Variants in KCNJ14 observed in about 807,000 individuals in gnomAD.
The protein encoded by KCNJ14 is ATP-sensitive inward rectifier potassium channel 14.
Under a neutral mutation model 24.5 loss-of-function variants are expected in KCNJ14, and 18 were observed. The ratio of observed to expected loss-of-function variants is 0.74; its 90% CI spans 0.51 to 1.09. KCNJ14 has a LOEUF of 1.09. Ranked by LOEUF, KCNJ14 falls within the 50% of genes least tolerant of loss-of-function variation. The pLI is 0.00. For synonymous variants in KCNJ14, 288 were observed against 270.8 expected (o/e 1.06, Z -0.63); for missense variants, 633 against 623.0 (o/e 1.02, Z -0.17).
chr19:48,457,721 A>C (rs1025315714), intron 1 of KCNJ14, among the ~76,000 whole-genome samples: 1 of 151,898 alleles, frequency 6.6e-6, no homozygotes, highest in African/African-American at 2.4e-5. Context: ...TTTGTCGCCC[A>C]AGCTCGAGTG....
intron 1 of KCNJ14, 160 bp from the exon 2 acceptor site, chr19:48,461,510 A>T: frequency 2.7e-6 from 1 of 369,174 alleles, no homozygotes; most frequent in Non-Finnish European, 4.7e-6. Flanking sequence ...CTTGGGCGAC[A>T]GAGCGAGACT....
In KCNJ14 at chr19:48,461,864, G is replaced by A. The variant is rs751117592; in HGVS notation, c.140G>A (p.Arg47Gln). Residue 47 changes from arginine to glutamine, a missense_variant, in exon 2 of 3, where the codon CGG (arginine) becomes CAG (glutamine). Transcript: ENST00000342291. ...APAPVQSPVG[R>Q]RRGRFVKKDG... ...GCACCGGTGCAGTCACCCGTGGGCC[G>A]GCGCCGCGGTCGCTTCGTCAAGAAA... is the stretch of plus-strand genomic sequence containing the variant. 3 of 1,568,490 alleles carry A rather than the reference G, an allele frequency of 1.9e-6. No individual in the cohort carries two copies. Among genetic ancestry groups the A allele is most frequent in the Non-Finnish European group, 2.6e-6 (3 of 1,156,836 alleles).
At chr19:48,463,221 G>C (rs764805788) in intron 2 of KCNJ14, among the ~76,000 whole-genome samples, 4 of 152,232 alleles carry the variant, frequency 2.6e-5, no homozygotes, top group Admixed American at 1.3e-4. Flanking sequence ...GGCAGCTGCC[G>C]TGGCCCAAGT....
chr19:48,463,450 G>A (rs959695603), intron 2 of KCNJ14, among the ~76,000 whole-genome samples: 3 of 152,202 alleles, frequency 2.0e-5, no homozygotes, highest in African/African-American at 7.2e-5. Flanking sequence ...GCAGAAGTCG[G>A]TGGGGCAGTG....
At chr19:48,461,552 G>C (rs1268920205) in intron 1 of KCNJ14, 118 bp from the exon 2 acceptor site, 4 of 333,962 alleles carry the variant, frequency 1.2e-5, no homozygotes, top group Non-Finnish European at 2.0e-5. Context: ...AAAAAAAAAT[G>C]CGTATCGTTC....
rs536206747 is a variant in KCNJ14 at position 48,455,821 on chromosome 19, G to T, written c.-93G>T. The T allele has an allele frequency of 6.6e-6, 1 of 152,476 alleles. No homozygotes were observed. The highest frequency in any genetic ancestry group is 1.9e-4 in the East Asian group (1 of 5,180). The allele number at this position is 152,476 out of a possible 1,614,324, so 9.4% of individuals were successfully genotyped here. On this transcript the variant is annotated 5_prime_UTR_variant, in exon 1 of 3. Transcript: ENST00000342291. ...GCCTGTTCCCCAACTGTGAAAGGGG[G>T]TGATGATCTTCACCTCCCGGCATCC...
In KCNJ14 at chr19:48,462,136, T is replaced by C. The variant is rs1385985421; in HGVS notation, c.412T>C (p.Phe138Leu). 1.9e-6 allele frequency: 3 copies of C among 1,594,536 alleles called. No individual in the cohort carries two copies. The highest frequency in any genetic ancestry group is 2.3e-5 in the South Asian group (2 of 88,646). The change falls in exon 2 of 3, where the codon TTC becomes CTC. Residue 138 changes from phenylalanine to leucine, a missense_variant. Physicochemically the swap from Phe to Leu is conservative, Grantham distance 22. Transcript: ENST00000342291. The surrounding 1 kb of genome is among the most constrained non-coding windows in gnomAD (Gnocchi z 4.9). ...ACACGTGGCCAGCTTCCTGGCCGCC[T>C]TCCTCTTCGCGCTGGAGACGCAGAC... is the stretch of plus-strand genomic sequence containing the variant. Reference protein sequence around the residue: ...FSHVASFLAAFLFALETQTSI... With the variant: ...FSHVASFLAALLFALETQTSI...
rs189298575 is a variant in KCNJ14, at chr19:48,466,762, A to C, written c.*1985A>C. On this transcript the variant is annotated 3_prime_UTR_variant, in exon 3 of 3. Transcript: ENST00000342291. Reference sequence around the variant, plus strand: ...ATACGGCCTTCCAGGAGACGCTGGGATGTAAGATACTCTTGGAGGCTGGCT... The same window carrying C: ...ATACGGCCTTCCAGGAGACGCTGGGCTGTAAGATACTCTTGGAGGCTGGCT... The C allele has an allele frequency of 6.6e-6, 1 of 152,266 alleles. No individual in the cohort carries two copies. The highest frequency in any genetic ancestry group is 1.9e-4 in the East Asian group (1 of 5,182). 9.4% of individuals were successfully genotyped at this position (152,266 alleles called of 1,614,324 possible).
At chr19:48,457,678 CAATT>C (rs775868691) in intron 1 of KCNJ14, among the ~76,000 whole-genome samples, 3 of 151,866 alleles carry the variant, frequency 2.0e-5, no homozygotes, top group South Asian at 2.1e-4. Flanking sequence ...GCAGCCATCA[CAATT>C]AATTTTTTTT....
rs1178935482 is a variant in KCNJ14, at chr19:48,462,230, A to G, written c.506A>G (p.Gln169Arg). Residue 169 changes from glutamine (Q) to arginine (R), a missense_variant, in exon 2 of 3, where the codon CAG (glutamine) becomes CGG (arginine). Gln to Arg is a conservative substitution (Grantham distance 43). Transcript: ENST00000342291. The surrounding 1 kb of genome is among the most constrained non-coding windows in gnomAD (Gnocchi z 4.9). Reference sequence around the variant, plus strand: ...GCCGCTGTGGCCGCCGTGGTGCTGCAGTGCATTGCCGGCTGCGTGCTCGAC... The same window carrying G: ...GCCGCTGTGGCCGCCGTGGTGCTGCGGTGCATTGCCGGCTGCGTGCTCGAC... ...CPAAVAAVVL[Q>R]CIAGCVLDAF... 6.4e-7 allele frequency: 1 copy of G among 1,550,688 alleles called. No individual in the cohort carries two copies.
chr19:48,461,394 G>T, intron 1 of KCNJ14: 1 of 242,392 alleles, frequency 4.1e-6, no homozygotes, highest in Non-Finnish European at 7.8e-6. Context: ...GAGTGGTGGT[G>T]TGCACCTGTA....
intron 1 of KCNJ14, among the ~76,000 whole-genome samples, chr19:48,459,693 C>T (rs551149897): frequency 6.6e-6 from 1 of 152,120 alleles, no homozygotes; most frequent in Non-Finnish European, 1.5e-5. Flanking sequence ...CCTCGCCTGG[C>T]CTCTCTTCAC....
rs748540327 is a variant in KCNJ14, at chr19:48,465,847, A to G, written c.*1070A>G. 3 of 152,646 alleles carry G rather than the reference A, an allele frequency of 2.0e-5. No individual in the cohort carries two copies. Among genetic ancestry groups the G allele is most frequent in the Non-Finnish European group, 4.4e-5 (3 of 68,044 alleles). 9.5% of individuals were successfully genotyped at this position (152,646 alleles called of 1,614,324 possible). A position where few individuals can be genotyped will look rare whatever the true frequency, so the allele number is the denominator to read the frequency against. On this transcript the variant is annotated 3_prime_UTR_variant, in exon 3 of 3. Transcript: ENST00000342291. Reference sequence around the variant, plus strand: ...CAGGGATACAGAGTTGTCCATTACCAAAGCCTGGAAGTTCTCATCACCTCC... The same window carrying G: ...CAGGGATACAGAGTTGTCCATTACCGAAGCCTGGAAGTTCTCATCACCTCC...
Position 48,464,915 on chromosome 19 carries a change from G to GTTC in KCNJ14, c.*140_*142dup. The GTTC allele has an allele frequency of 1.5e-6, 1 of 681,962 alleles. No individual in the cohort carries two copies. Among genetic ancestry groups the GTTC allele is most frequent in the Non-Finnish European group, 2.5e-6 (1 of 395,272 alleles). 42.2% of individuals were successfully genotyped at this position (681,962 alleles called of 1,614,324 possible). A position where few individuals can be genotyped will look rare whatever the true frequency, so the allele number is the denominator to read the frequency against. On this transcript the variant is annotated 3_prime_UTR_variant, in exon 3 of 3. Coordinates refer to ENST00000342291, the MANE Select transcript of KCNJ14 (RefSeq NM_013348.4). ...GCTGGGTAAATGACTAGGTGGTAAGGTTCTGCCATGCCTGGTGACCCACCA... is the reference window on the plus strand; with the variant it reads ...GCTGGGTAAATGACTAGGTGGTAAGGTTCTTCTGCCATGCCTGGTGACCCACCA...
At position 48,462,033 on chromosome 19, in the gene KCNJ14, C is replaced by T. The variant is rs771397699; in HGVS notation, c.309C>T (p.Leu103=). 1.6e-5 allele frequency: 26 copies of T among 1,611,964 alleles called. No homozygotes were observed. The South Asian group carries it at 2.5e-4, about 16-fold the overall frequency. ...FSCSFLASWL[L]FGLAFWLIAS... Reference sequence around the variant, plus strand: ...GCTCCTTCCTCGCCTCCTGGCTGCTCTTCGGCCTGGCCTTCTGGCTCATTG... The same window carrying T: ...GCTCCTTCCTCGCCTCCTGGCTGCTTTTCGGCCTGGCCTTCTGGCTCATTG... The change falls in exon 2 of 3, where the codon CTC becomes CTT. Residue 103 remains leucine, a synonymous_variant. Coordinates refer to ENST00000342291, the MANE Select transcript of KCNJ14 (RefSeq NM_013348.4). The surrounding 1 kb of genome is among the most constrained non-coding windows in gnomAD (Gnocchi z 4.9).
Position 48,461,550 on chromosome 19 carries a change from A to AAAAAAAAAAAAAG in KCNJ14, c.-55-120_-55-119insAAAAAAAAAAAAG, listed in dbSNP as rs370425889. 1,532 of 350,924 alleles carry AAAAAAAAAAAAAG rather than the reference A, an allele frequency of 4.4e-3. 69 individuals carry two copies. Among genetic ancestry groups the AAAAAAAAAAAAAG allele is most frequent in the African/African-American group, 8.4e-3 (276 of 32,670 alleles). 21.7% of individuals were successfully genotyped at this position (350,924 alleles called of 1,614,324 possible). A position where few individuals can be genotyped will look rare whatever the true frequency, so the allele number is the denominator to read the frequency against. On this transcript the variant is annotated intron_variant, in intron 1 of 2. Transcript: ENST00000342291. ...CTCCAAAAAAAAAAAAAAAAAAAAAATGCGTATCGTTCCACCTATTTGACA... is the reference window on the plus strand; with the variant it reads ...CTCCAAAAAAAAAAAAAAAAAAAAAAAAAAAAAAAAAAGTGCGTATCGTTCCACCTATTTGACA...
At chr19:48,459,103 G>T (rs368838177) in intron 1 of KCNJ14, among the ~76,000 whole-genome samples, 1 of 151,230 alleles carries the variant, frequency 6.6e-6, no homozygotes, top group Admixed American at 6.6e-5. Flanking sequence ...TTAGCCGGGC[G>T]TAGTGGCAGG....
rs777938365 is a variant in KCNJ14 at position 48,462,178 on chromosome 19, G to A, written c.454G>A (p.Val152Met). 3.8e-6 allele frequency: 6 copies of A among 1,565,350 alleles called. No individual in the cohort carries two copies. In the African/African-American group the frequency reaches 4.1e-5, roughly 11 times the overall value. ...GACGCAGACGTCCATCGGCTACGGC[G>A]TGCGCAGCGTCACCGAGGAGTGCCC... Reference protein sequence around the residue: ...LETQTSIGYGVRSVTEECPAA... With the variant: ...LETQTSIGYGMRSVTEECPAA... The change falls in exon 2 of 3, where the codon GTG becomes ATG. Residue 152 changes from valine (V) to methionine (M), a missense_variant. By Grantham distance (21) the Val-to-Met change is conservative. Coordinates refer to ENST00000342291, the MANE Select transcript of KCNJ14 (RefSeq NM_013348.4). This position sits in a 1 kb window ranked among gnomAD's most constrained non-coding sequence, Gnocchi z 4.9.
rs1458506742 is a variant in KCNJ14 at position 48,464,810 on chromosome 19, C to T, written c.*33C>T. The T allele has an allele frequency of 1.3e-6, 2 of 1,494,990 alleles. No individual in the cohort carries two copies. The highest frequency in any genetic ancestry group is 9.2e-7 in the Non-Finnish European group (1 of 1,089,876). The allele number at this position is 1,494,990 out of a possible 1,614,324, so 92.6% of individuals were successfully genotyped here. ...TGATGTCCCCTTCCCCGTGTATGCC[C>T]CCTTCCCCAAGGTAGCAAGATGGAG... On this transcript the variant is annotated 3_prime_UTR_variant, in exon 3 of 3. Transcript: ENST00000342291.
Sources: gnomAD v4.1 joint callset for allele counts (sites outside exome capture counted in the v4.1 genomes callset) on GRCh38, gnomAD v4.1.1 for gene constraint, Gnocchi (gnomAD v3.1) non-coding constraint, MANE v1.5 for transcripts, NCBI Gene and HGNC (gene_info 2026-07-23, HGNC 2026-07-21) for gene names.